The following HJURP variants were observed in gnomAD, a reference collection of about 807,000 sequenced individuals.
HJURP encodes the protein Holliday junction recognition protein.
HJURP carries 49 observed loss-of-function variants against 72.0 expected under a neutral mutation model. The ratio of observed to expected loss-of-function variants is 0.68; its 90% CI spans 0.54 to 0.86. HJURP has a LOEUF of 0.86. Ranked by LOEUF, HJURP falls within the 40% of genes least tolerant of loss-of-function variation. The probability of loss-of-function intolerance (pLI) is 0.00; values close to 1 mark genes in which losing one functional copy is unlikely to be tolerated. For missense variants in HJURP, 908 were observed against 936.3 expected, an observed-to-expected ratio of 0.97 and a Z score of 0.39; for synonymous variants, 357 against 347.1, an observed-to-expected ratio of 1.03 and a Z score of -0.32.
At chr2:233,838,621 G>A (rs213554) in intron 8 of HJURP, among the ~76,000 whole-genome samples, 68,871 of 151,830 alleles carry the variant, frequency 0.45, 15,703 homozygotes, top group South Asian at 0.54. Context: ...CAAGCAGGAC[G>A]AGCAGAGCAG....
Position 233,844,252 on chromosome 2 carries a change from C to A in HJURP, c.527G>T (p.Arg176Leu). 6 of 1,614,186 alleles carry A rather than the reference C, an allele frequency of 3.7e-6. No individual in the cohort carries two copies. Among genetic ancestry groups the A allele is most frequent in the Non-Finnish European group, 5.1e-6 (6 of 1,180,028 alleles). The change falls in exon 7 of 9, where the codon CGT becomes CTT. Residue 176 changes from arginine (R) to leucine (L), a missense_variant. Arg to Leu is a moderately radical substitution (Grantham distance 102). Transcript: ENST00000411486. ...GGCCAGTGAAGGCAGCGGAGTCACA[C>A]GTACATCCCTTCCAGCTCTGTTACC... ...CAGNRAGRDV[R>L]VTPLPSLASP...
chr2:233,840,724 A>G lies in HJURP; in HGVS notation c.2056T>C (p.Ser686Pro). The G allele has an allele frequency of 6.2e-7, 1 of 1,614,036 alleles. No homozygotes were observed. Among genetic ancestry groups the G allele is most frequent in the Non-Finnish European group, 8.5e-7 (1 of 1,180,004 alleles). The change falls in exon 8 of 9, where the codon TCA becomes CCA. Residue 686 changes from serine to proline, a missense_variant. Physicochemically the swap from Ser to Pro is moderately conservative, Grantham distance 74. Transcript: ENST00000411486. Reference protein sequence around the residue: ...HQFPAKRPRLSEPQGSGRQGN... With the variant: ...HQFPAKRPRLPEPQGSGRQGN... ...TGGCGTCCGGAGCCCTGGGGTTCTG[A>G]TAGCCTGGGTCTTTTTGCAGGGAAC...
chr2:233,852,111 T>C lies in HJURP; in HGVS notation c.240+454A>G, dbSNP rs74344065. The stretch of plus-strand genomic sequence containing the variant: ...AGGTAGAAAAATGCAGAAGGAAAGA[T>C]GTGTGATCCTCCAGGCTGCACCTCT... On this transcript the variant is annotated intron_variant, in intron 3 of 8. Coordinates refer to ENST00000411486, the MANE Select transcript of HJURP (RefSeq NM_018410.5). Among the ~76,000 whole-genome samples, 8 of 152,160 alleles carry C rather than the reference T, an allele frequency of 5.3e-5. No individual in the cohort carries two copies. The East Asian group carries it at 1.5e-3, about 29-fold the overall frequency.
At chr2:233,847,031 C>A (rs975453283) in intron 5 of HJURP, among the ~76,000 whole-genome samples, 2 of 152,174 alleles carry the variant, frequency 1.3e-5, no homozygotes, top group Admixed American at 1.3e-4. Flanking sequence ...GAACACCTCT[C>A]TTTTTACCCT....
chr2:233,844,193 T>A lies in HJURP; in HGVS notation c.574+12A>T. On this transcript the variant is annotated intron_variant, in intron 7 of 8. Coordinates refer to ENST00000411486, the MANE Select transcript of HJURP (RefSeq NM_018410.5). ...ACACGCACTGTTCATACAGTTTCTA[T>A]GTCACACTCACCGGGGGCAGGCACG... 1.2e-6 allele frequency: 2 copies of A among 1,612,636 alleles called. No individual in the cohort carries two copies. The highest frequency in any genetic ancestry group is 1.7e-6 in the Non-Finnish European group (2 of 1,178,596).
chr2:233,845,584 G>A, intron 6 of HJURP, 144 bp downstream of exon 6: 1 of 588,218 alleles, frequency 1.7e-6, no homozygotes, highest in Non-Finnish European at 3.0e-6. Flanking sequence ...ATGTCAGCAT[G>A]TGAATAAAAC....
At chr2:233,853,958 G>A (rs760490557) in intron 1 of HJURP, 48 bp from the exon 2 acceptor site, 2 of 1,568,128 alleles carry the variant, frequency 1.3e-6, no homozygotes, top group East Asian at 4.5e-5. Context: ...GCCACGAGGG[G>A]CCCCAGACCC....
At chr2:233,844,973 C>T (rs889163354) in intron 6 of HJURP, among the ~76,000 whole-genome samples, 11 of 147,180 alleles carry the variant, frequency 7.5e-5, no homozygotes, top group Non-Finnish European at 1.7e-4. Flanking sequence ...ACATCCCCCC[C>T]CTCCCAACAT....
intron 5 of HJURP, among the ~76,000 whole-genome samples, chr2:233,847,042 G>A (rs551336794): frequency 4.6e-5 from 7 of 152,304 alleles, no homozygotes; most frequent in African/African-American, 1.4e-4. Flanking sequence ...TTTTTACCCT[G>A]CCCCTGTAGG....
chr2:233,854,286 C>T (rs1022932828), intron 1 of HJURP, 98 bp downstream of exon 1: 23 of 788,900 alleles, frequency 2.9e-5, no homozygotes, highest in Admixed American at 2.1e-4. Flanking sequence ...ACCCCCGCTC[C>T]GAGTCCTCAG....
In HJURP at chr2:233,841,732, T is replaced by TA; in HGVS notation, c.1047dup (p.Lys350Ter). ...GCTTTTTCCAATTTTAAACCTGTCTTACGGCAAGAAACATCTAATACGTTC... is the reference window on the plus strand; with the variant it reads ...GCTTTTTCCAATTTTAAACCTGTCTTAACGGCAAGAAACATCTAATACGTTC... On this transcript the variant is annotated frameshift_variant, in exon 8 of 9. Transcript: ENST00000411486. LOFTEE classifies it high-confidence loss of function. The TA allele has an allele frequency of 6.2e-7, 1 of 1,614,218 alleles. No homozygotes were observed. Among genetic ancestry groups the TA allele is most frequent in the Non-Finnish European group, 8.5e-7 (1 of 1,180,038 alleles).
Position 233,837,622 on chromosome 2 carries a change from C to CT in HJURP, c.2201dup (p.Lys735GlufsTer3). 6.2e-7 allele frequency: 1 copy of CT among 1,611,442 alleles called. No individual in the cohort carries two copies. The highest frequency in any genetic ancestry group is 8.5e-7 in the Non-Finnish European group (1 of 1,178,348). ...ATTTTTCTAGCATGAAATCACTTTT[C>CT]TCTTCCATCCTGTAAGACGTGTTCT... is the stretch of plus-strand genomic sequence containing the variant. On this transcript the variant is annotated frameshift_variant, in exon 9 of 9. Transcript: ENST00000411486. LOFTEE classifies it high-confidence loss of function.
In HJURP at chr2:233,852,558, T is replaced by TA; in HGVS notation, c.240+6dup. The TA allele has an allele frequency of 6.3e-7, 1 of 1,588,766 alleles. No individual in the cohort carries two copies. On this transcript the variant is annotated splice_region_variant and intron_variant, in intron 3 of 8. Transcript: ENST00000411486. ...GTTATTTGGCAATAAAATTTGACAC[T>TA]AAATACCTGGATCTCTCCTTCGTTT...
rs76212469 is a variant in HJURP at position 233,841,151 on chromosome 2, G to A, written c.1629C>T (p.His543=). 8.1e-6 allele frequency: 13 copies of A among 1,614,012 alleles called. No individual in the cohort carries two copies. The highest frequency in any genetic ancestry group is 2.2e-5 in the East Asian group (1 of 44,890). The change falls in exon 8 of 9, where the codon CAC becomes CAT. Residue 543 remains histidine (H), a synonymous_variant. Coordinates refer to ENST00000411486, the MANE Select transcript of HJURP (RefSeq NM_018410.5). The part of the protein sequence containing the change: ...ATRPQQTSDL[H]VQGNSSGIFR... ...ATATTCCAGAACTATTTCCCTGAAC[G>A]TGAAGGTCAGATGTCTGCTGCGGGC...
At chr2:233,838,523 G>C (rs1705137359) in intron 8 of HJURP, among the ~76,000 whole-genome samples, 1 of 152,144 alleles carries the variant, frequency 6.6e-6, no homozygotes, top group Non-Finnish European at 1.5e-5. Flanking sequence ...AACAAGGTGG[G>C]AAAAGGCACG....
At chr2:233,839,543 C>G (rs1222999698) in intron 8 of HJURP, among the ~76,000 whole-genome samples, 4 of 152,192 alleles carry the variant, frequency 2.6e-5, no homozygotes, top group African/African-American at 9.7e-5. Flanking sequence ...CGCTGGCGGT[C>G]TGAGAGTGTG....
At chr2:233,851,510 T>C (rs1249673370) in intron 3 of HJURP, among the ~76,000 whole-genome samples, 4 of 152,110 alleles carry the variant, frequency 2.6e-5, no homozygotes, top group African/African-American at 9.7e-5. Flanking sequence ...CCCTTATTTA[T>C]TAATAAAGGA....
chr2:233,850,303 G>A (rs1033554475), intron 3 of HJURP, among the ~76,000 whole-genome samples: 9 of 152,224 alleles, frequency 5.9e-5, no homozygotes, highest in African/African-American at 1.9e-4. Flanking sequence ...TATTTAAGGC[G>A]GGGAGGAGCC....
In HJURP at chr2:233,841,695, A is replaced by C. The variant is rs1011124626; in HGVS notation, c.1085T>G (p.Val362Gly). 6.2e-7 allele frequency: 1 copy of C among 1,614,166 alleles called. No individual in the cohort carries two copies. Among genetic ancestry groups the C allele is most frequent in the Non-Finnish European group, 8.5e-7 (1 of 1,180,026 alleles). ...TAACTTATGGATTTGGGGTCTGTTG[A>C]CTTCAAGAAAAGCTTTTTCCAATTT... ...GLKLEKAFLEVNRPQIHKLDP... is the reference protein window; with the variant it reads ...GLKLEKAFLEGNRPQIHKLDP... The change falls in exon 8 of 9, where the codon GTC becomes GGC. Residue 362 changes from valine (V) to glycine (G), a missense_variant. Val to Gly is a moderately radical substitution (Grantham distance 109, BLOSUM62 -3). Coordinates refer to ENST00000411486, the MANE Select transcript of HJURP (RefSeq NM_018410.5).
Sources: gnomAD v4.1 joint callset for allele counts (sites outside exome capture counted in the v4.1 genomes callset) on GRCh38, gnomAD v4.1.1 for gene constraint, MANE v1.5 for transcripts, NCBI Gene and HGNC (gene_info 2026-07-23, HGNC 2026-07-21) for gene names.